The following LAMC1 variants were observed in gnomAD, a reference collection of about 807,000 sequenced individuals.
LAMC1 encodes the protein laminin subunit gamma 1.
LAMC1 carries 38 observed loss-of-function variants against 173.6 expected under a neutral mutation model. That is an observed-to-expected ratio of 0.22 (90% CI 0.17 to 0.29). LAMC1 has a LOEUF of 0.29. Ranked by LOEUF, LAMC1 falls within the 10% of genes least tolerant of loss-of-function variation. LAMC1 has a pLI of 1.00. For synonymous variants in LAMC1, 746 were observed against 749.1 expected (o/e 1.00, Z 0.07); for missense variants, 1,824 against 2,051.8 (o/e 0.89, Z 2.14).
chr1:183,133,473 A>C lies in LAMC1; in HGVS notation c.3772A>C (p.Lys1258Gln). The C allele has an allele frequency of 6.2e-7, 1 of 1,614,018 alleles. No homozygotes were observed. Among genetic ancestry groups the C allele is most frequent in the East Asian group, 2.2e-5 (1 of 44,878 alleles). Residue 1258 changes from lysine to glutamine, a missense_variant, in exon 22 of 28, where the codon AAA becomes CAA. Transcript: ENST00000258341. Reference protein sequence around the residue: ...KQAARVHEEAKRAGDKAVEIY... With the variant: ...KQAARVHEEAQRAGDKAVEIY... ...AGCTGCCCGAGTACATGAGGAGGCC[A>C]AAAGGGCCGGTGACAAAGCTGTGGA...
rs535833185 is a variant in LAMC1, at chr1:183,041,633, A to G, written c.418+17499A>G. ...TTTCTTAATTCATTCATTTACAAAGATTTATTAAGCACCTGTTACACAAAA... is the reference window on the plus strand; with the variant it reads ...TTTCTTAATTCATTCATTTACAAAGGTTTATTAAGCACCTGTTACACAAAA... On this transcript the variant is annotated intron_variant, in intron 1 of 27. Coordinates refer to ENST00000258341, the MANE Select transcript of LAMC1 (RefSeq NM_002293.4). 2.2e-4 allele frequency among the ~76,000 whole-genome samples: 34 copies of G among 152,292 alleles called. 1 individual carries two copies. In the South Asian group the frequency reaches 6.8e-3, roughly 31 times the overall value.
In LAMC1 at chr1:183,115,541, A is replaced by G. The variant is rs138536474; in HGVS notation, c.1232A>G (p.Asp411Gly). ...SPVGSLSTQC[D>G]SYGRCSCKPG... ...TTAGGCTCTCTAAGCACACAGTGTG[A>G]TAGTTACGGCAGATGCAGCTGTAAG... The change falls in exon 6 of 28, where the codon GAT (aspartate) becomes GGT (glycine). Residue 411 changes from aspartate (D) to glycine (G), a missense_variant. By Grantham distance (94) the Asp-to-Gly change is moderately conservative (BLOSUM62 -1). Coordinates refer to ENST00000258341, the MANE Select transcript of LAMC1 (RefSeq NM_002293.4). 250 of 1,613,854 alleles carry G rather than the reference A, an allele frequency of 1.5e-4. No individual in the cohort carries two copies. The African/African-American group carries it at 2.8e-3, about 18-fold the overall frequency.
At position 183,023,960 on chromosome 1, in the gene LAMC1, G is replaced by C; in HGVS notation, c.244G>C (p.Val82Leu). ...PPEEYCVQTG[V>L]TGVTKSCHLC... ...CGAGGAATACTGTGTGCAGACCGGG[G>C]TGACCGGGGTCACCAAGTCCTGTCA... Residue 82 changes from valine to leucine, a missense_variant, in exon 1 of 28, where the codon GTG becomes CTG. Coordinates refer to ENST00000258341, the MANE Select transcript of LAMC1 (RefSeq NM_002293.4). The C allele has an allele frequency of 6.2e-7, 1 of 1,613,282 alleles. No individual in the cohort carries two copies. The highest frequency in any genetic ancestry group is 8.5e-7 in the Non-Finnish European group (1 of 1,179,954).
intron 1 of LAMC1, among the ~76,000 whole-genome samples, chr1:183,044,097 G>T (rs1320253229): frequency 6.6e-6 from 1 of 152,018 alleles, no homozygotes; most frequent in East Asian, 1.9e-4. Context: ...GGTTATAAAT[G>T]ATTGCTTTTG....
At chr1:183,045,392 A>G (rs776948789) in intron 1 of LAMC1, among the ~76,000 whole-genome samples, 11 of 152,038 alleles carry the variant, frequency 7.2e-5, no homozygotes, top group African/African-American at 1.2e-4. Context: ...TTTAAAAGAA[A>G]ATAGTTTTGT....
intron 1 of LAMC1, among the ~76,000 whole-genome samples, chr1:183,100,907 CAGCACCTGCA>C (rs964360546): frequency 9.2e-5 from 14 of 152,170 alleles, no homozygotes; most frequent in Non-Finnish European, 2.1e-4. Flanking sequence ...AAGGCCAGGC[CAGCACCTGCA>C]AGTAGACTGC....
In LAMC1 at chr1:183,114,523, A is replaced by G. The variant is rs747791883; in HGVS notation, c.1022-8A>G. The G allele has an allele frequency of 6.2e-7, 1 of 1,614,030 alleles. No individual in the cohort carries two copies. On this transcript the variant is annotated splice_region_variant and splice_polypyrimidine_tract_variant and intron_variant, in intron 4 of 27. Transcript: ENST00000258341. ...GATCTGATGTAACTCGTGTGTTTTG[A>G]CTGACAGCCTGTGATTGCAATGGTC... is the stretch of plus-strand genomic sequence containing the variant.
rs1000185877 is a variant in LAMC1, at chr1:183,075,543, T to A, written c.419-27785T>A. On this transcript the variant is annotated intron_variant, in intron 1 of 27. Coordinates refer to ENST00000258341, the MANE Select transcript of LAMC1 (RefSeq NM_002293.4). ...GGCATACTCCTGTAATGCCTGTAAATTGATTTATACTTACAAATAATACAC... is the reference window on the plus strand; with the variant it reads ...GGCATACTCCTGTAATGCCTGTAAAATGATTTATACTTACAAATAATACAC... Among the ~76,000 whole-genome samples, 7 of 152,196 alleles carry A rather than the reference T, an allele frequency of 4.6e-5. No individual in the cohort carries two copies. In the East Asian group the frequency reaches 1.3e-3, roughly 29 times the overall value.
intron 22 of LAMC1, 41 bp downstream of exon 22, chr1:183,133,591 C>T (rs894459190): frequency 1.5e-5 from 24 of 1,557,442 alleles, no homozygotes; most frequent in Non-Finnish European, 2.1e-5. Flanking sequence ...CCCCGTCTCT[C>T]CCCCAAGTCT....
chr1:183,127,598 G>A (rs757931193), intron 17 of LAMC1, among the ~76,000 whole-genome samples, 194 bp downstream of exon 17: 2 of 152,190 alleles, frequency 1.3e-5, no homozygotes, highest in African/African-American at 2.4e-5. Context: ...TAAGTGCCAG[G>A]AAGAATACAA....
intron 1 of LAMC1, among the ~76,000 whole-genome samples, chr1:183,092,672 A>G (rs958105109): frequency 6.6e-6 from 1 of 152,064 alleles, no homozygotes; most frequent in Non-Finnish European, 1.5e-5. Flanking sequence ...GGTACAGATA[A>G]CTCTTTTTAG....
At chr1:183,115,094 C>T (rs1537520) in intron 5 of LAMC1, among the ~76,000 whole-genome samples, 79,800 of 152,024 alleles carry the variant, frequency 0.52, 21,710 homozygotes, top group South Asian at 0.65. Context: ...AGCATGTTTG[C>T]GTGTGTACAG....
At position 183,135,083 on chromosome 1, in the gene LAMC1, C is replaced by T; in HGVS notation, c.4041C>T (p.Ala1347=). Residue 1347 remains alanine (A), a synonymous_variant, in exon 24 of 28, where the codon GCC becomes GCT. Coordinates refer to ENST00000258341, the MANE Select transcript of LAMC1 (RefSeq NM_002293.4). The part of the protein sequence containing the change: ...QLLARADAAK[A]LAEEAAKKGR... ...TAGCCCGAGCTGATGCTGCCAAGGCCCTCGCTGAAGAAGCTGCAAAGAAGG... is the reference window on the plus strand; with the variant it reads ...TAGCCCGAGCTGATGCTGCCAAGGCTCTCGCTGAAGAAGCTGCAAAGAAGG... The T allele has an allele frequency of 6.2e-7, 1 of 1,614,064 alleles. No homozygotes were observed. The highest frequency in any genetic ancestry group is 8.5e-7 in the Non-Finnish European group (1 of 1,179,978).
intron 1 of LAMC1, among the ~76,000 whole-genome samples, chr1:183,080,014 T>C (rs1039076809): frequency 2.0e-5 from 3 of 151,974 alleles, no homozygotes; most frequent in African/African-American, 7.2e-5. Context: ...GGAGCCGAGA[T>C]GGGTGGATCA....
intron 1 of LAMC1, among the ~76,000 whole-genome samples, chr1:183,059,926 G>A (rs888930278): frequency 5.3e-5 from 8 of 152,262 alleles, no homozygotes; most frequent in African/African-American, 1.7e-4. Flanking sequence ...GAGATGACAC[G>A]TTGGAAGTTT....
At position 183,116,183 on chromosome 1, in the gene LAMC1, A is replaced by T. The variant is rs1025772996; in HGVS notation, c.1329-394A>T. Among the ~76,000 whole-genome samples, 5 of 151,380 alleles carry T rather than the reference A, an allele frequency of 3.3e-5. No individual in the cohort carries two copies. The East Asian group carries it at 9.8e-4, about 30-fold the overall frequency. On this transcript the variant is annotated intron_variant, in intron 6 of 27. Coordinates refer to ENST00000258341, the MANE Select transcript of LAMC1 (RefSeq NM_002293.4). ...ATTTTGTTCTATGTGTATTTCTTTT[A>T]AAAAAGTCTGTTGGCTGGGCGCCTG... is the stretch of plus-strand genomic sequence containing the variant.
chr1:183,082,268 T>C (rs1037139990), intron 1 of LAMC1, among the ~76,000 whole-genome samples: 1 of 152,228 alleles, frequency 6.6e-6, no homozygotes, highest in African/African-American at 2.4e-5. Flanking sequence ...TGGATTACCA[T>C]ACATTTATCA....
chr1:183,053,177 G>A (rs769717450), intron 1 of LAMC1, among the ~76,000 whole-genome samples: 1 of 152,150 alleles, frequency 6.6e-6, no homozygotes, highest in African/African-American at 2.4e-5. Context: ...GTAAAAACTT[G>A]AAAAGTTTGC....
intron 1 of LAMC1, among the ~76,000 whole-genome samples, chr1:183,052,349 T>C (rs935669785): frequency 6.6e-6 from 1 of 152,174 alleles, no homozygotes; most frequent in African/African-American, 2.4e-5. Context: ...CTTTTCTTTT[T>C]TTTTTGACAC....
Sources: allele counts gnomAD v4.1 joint callset (sites outside exome capture counted in the v4.1 genomes callset), GRCh38; gene constraint gnomAD v4.1.1; transcripts MANE v1.5; gene names NCBI Gene and HGNC (gene_info 2026-07-23, HGNC 2026-07-21).